The following CDKAL1 variants were observed in gnomAD, a reference collection of about 807,000 sequenced individuals.
CDKAL1 encodes threonylcarbamoyladenosine tRNA methylthiotransferase.
Under a neutral mutation model 68.2 loss-of-function variants are expected in CDKAL1, and 32 were observed. The observed-to-expected ratio is 0.47, with a 90% CI of 0.35 to 0.63. CDKAL1 has a LOEUF of 0.63. CDKAL1 is among the 30% of genes least tolerant of loss of function. CDKAL1 has a pLI of 0.00. For synonymous variants in CDKAL1, 234 were observed against 244.3 expected (o/e 0.96, Z 0.39); for missense variants, 606 against 696.7 (o/e 0.87, Z 1.47).
intron 12 of CDKAL1, among the ~76,000 whole-genome samples, chr6:21,085,135 T>C (rs1461652931): frequency 6.6e-6 from 1 of 152,228 alleles, no homozygotes; most frequent in African/African-American, 2.4e-5. Context: ...GGAAGAAGGC[T>C]GTCTGGTGGT....
At chr6:21,167,573 T>A (rs1777203751) in intron 13 of CDKAL1, among the ~76,000 whole-genome samples, 1 of 152,190 alleles carries the variant, frequency 6.6e-6, no homozygotes, top group South Asian at 2.1e-4. Flanking sequence ...TCACATCAAA[T>A]TGATGGCAAG....
intron 13 of CDKAL1, among the ~76,000 whole-genome samples, chr6:21,125,912 T>A: frequency 6.6e-6 from 1 of 152,192 alleles, no homozygotes; most frequent in East Asian, 1.9e-4. Context: ...CTCCCCTAGA[T>A]AACTGAAGTT....
chr6:21,205,343 G>GC (rs75408051), intron 15 of CDKAL1, among the ~76,000 whole-genome samples: 44,505 of 73,844 alleles, frequency 0.6, 7,704 homozygotes, highest in African/African-American at 0.66. Context: ...GGATTGTATG[G>GC]TCCTCTATTT....
At chr6:20,954,060 G>C (rs1220676506) in intron 9 of CDKAL1, among the ~76,000 whole-genome samples, 3 of 152,094 alleles carry the variant, frequency 2.0e-5, no homozygotes, top group Non-Finnish European at 4.4e-5. Flanking sequence ...GTGAGGATGT[G>C]TATGTCTCAG....
At chr6:21,204,929 T>G (rs1778836647) in intron 15 of CDKAL1, among the ~76,000 whole-genome samples, 1 of 152,222 alleles carries the variant, frequency 6.6e-6, no homozygotes, top group East Asian at 1.9e-4. Flanking sequence ...CCTGTACTCA[T>G]TAAACAATAA....
At chr6:20,647,256 G>A (rs973235992) in intron 4 of CDKAL1, among the ~76,000 whole-genome samples, 3 of 152,178 alleles carry the variant, frequency 2.0e-5, no homozygotes. Flanking sequence ...TACGAGTAAG[G>A]TGTGAGTCTC....
chr6:20,697,979 C>T (rs1771178666), intron 5 of CDKAL1, among the ~76,000 whole-genome samples: 1 of 152,170 alleles, frequency 6.6e-6, no homozygotes, highest in South Asian at 2.1e-4. Context: ...AAAGTAACTA[C>T]AGACATTGTA....
chr6:20,908,647 A>G (rs1043273720), intron 9 of CDKAL1, among the ~76,000 whole-genome samples: 2 of 152,218 alleles, frequency 1.3e-5, no homozygotes, highest in African/African-American at 4.8e-5. Context: ...AGATATTACA[A>G]TGTCTTTAGG....
chr6:21,178,563 G>A (rs1442244350), intron 13 of CDKAL1, among the ~76,000 whole-genome samples: 2 of 152,174 alleles, frequency 1.3e-5, no homozygotes, highest in Non-Finnish European at 2.9e-5. Context: ...GGAAAAAAGA[G>A]AGGATCACAT....
chr6:20,839,430 T>C (rs1234920867), intron 8 of CDKAL1, among the ~76,000 whole-genome samples: 1 of 152,232 alleles, frequency 6.6e-6, no homozygotes, highest in Non-Finnish European at 1.5e-5. Context: ...GCCTATTTGA[T>C]GTCCAGTTAT....
intron 6 of CDKAL1, among the ~76,000 whole-genome samples, chr6:20,741,604 T>C (rs1773460589): frequency 6.6e-6 from 1 of 152,168 alleles, no homozygotes; most frequent in Admixed American, 6.5e-5. Context: ...TTAAGGATAA[T>C]GGCCTCCAGC....
At chr6:20,672,171 T>G (rs1193587869) in intron 5 of CDKAL1, among the ~76,000 whole-genome samples, 2 of 151,448 alleles carry the variant, frequency 1.3e-5, no homozygotes, top group Non-Finnish European at 2.9e-5. Context: ...TGCCTCTCCC[T>G]CTCTTTCTCT....
chr6:20,843,976 T>A (rs918710815), intron 8 of CDKAL1, among the ~76,000 whole-genome samples: 2 of 151,760 alleles, frequency 1.3e-5, no homozygotes, highest in Non-Finnish European at 2.9e-5. Context: ...ATGGAGACAC[T>A]CGAGGAAAAA....
At chr6:21,028,039 A>G (rs1769057869) in intron 11 of CDKAL1, among the ~76,000 whole-genome samples, 1 of 152,178 alleles carries the variant, frequency 6.6e-6, no homozygotes. Flanking sequence ...CAGAGAATCC[A>G]AGAACAAGGC....
chr6:20,936,541 C>T (rs1261781696), intron 9 of CDKAL1, among the ~76,000 whole-genome samples: 3 of 151,728 alleles, frequency 2.0e-5, no homozygotes, highest in Non-Finnish European at 4.4e-5. Context: ...TGAGCCACCG[C>T]GCCCGGCCCA....
At chr6:21,065,018 T>G (rs1376726265) in intron 11 of CDKAL1, 30 bp from the exon 12 acceptor site, 1 of 1,408,930 alleles carries the variant, frequency 7.1e-7, no homozygotes, top group Admixed American at 2.3e-5. Context: ...TATAGTCAAG[T>G]TTTTACATTT....
At chr6:20,957,885 C>T (rs936963193) in intron 10 of CDKAL1, among the ~76,000 whole-genome samples, 3 of 150,528 alleles carry the variant, frequency 2.0e-5, no homozygotes, top group Non-Finnish European at 4.4e-5. Context: ...GCAGGAGAAT[C>T]GCTTGAGCCC....
chr6:20,599,497 G>C (rs1405988576), intron 4 of CDKAL1: 1 of 344,990 alleles, frequency 2.9e-6, no homozygotes, highest in Non-Finnish European at 5.8e-6. Context: ...CAAACACTGG[G>C]TGCTTTATGC....
intron 5 of CDKAL1, among the ~76,000 whole-genome samples, chr6:20,732,855 C>T (rs1773019156): frequency 6.6e-6 from 1 of 152,108 alleles, no homozygotes; most frequent in Admixed American, 6.6e-5. Context: ...CATTGAATTT[C>T]TCTTTCTATA....
Sources: allele counts gnomAD v4.1 joint callset (sites outside exome capture counted in the v4.1 genomes callset), GRCh38; gene constraint gnomAD v4.1.1; transcripts MANE v1.5; gene names NCBI Gene and HGNC (gene_info 2026-07-23, HGNC 2026-07-21).